Variants in VSTM4 observed in about 807,000 individuals in gnomAD.
VSTM4 encodes the protein V-set and transmembrane domain-containing protein 4.
In VSTM4, 20 loss-of-function variants were observed where a neutral mutation model predicts 36.4. The ratio of observed to expected loss-of-function variants is 0.55; its 90% CI spans 0.39 to 0.80. The LOEUF (loss-of-function observed/expected upper bound fraction) is 0.80. Among genes scored for constraint, VSTM4 ranks in the 30% least tolerant of loss-of-function variants. The pLI is 0.00. For synonymous variants in VSTM4, 182 were observed against 173.9 expected, an observed-to-expected ratio of 1.05 and a Z score of -0.37; for missense variants, 392 against 404.5, an observed-to-expected ratio of 0.97 and a Z score of 0.26.
intron 4 of VSTM4, among the ~76,000 whole-genome samples, chr10:49,065,427 C>A (rs914657919): frequency 3.3e-5 from 5 of 152,140 alleles, no homozygotes; most frequent in Admixed American, 2.0e-4. Context: ...CCATGTGTAC[C>A]CCCTCCCAAA....
chr10:49,024,246 T>G (rs1374922041), intron 7 of VSTM4, among the ~76,000 whole-genome samples: 1 of 152,196 alleles, frequency 6.6e-6, no homozygotes, highest in East Asian at 1.9e-4. Context: ...TCAAATCCCT[T>G]GTTTCATGGA....
At chr10:49,113,771 G>C (rs1007827969) in intron 1 of VSTM4, among the ~76,000 whole-genome samples, 3 of 152,164 alleles carry the variant, frequency 2.0e-5, no homozygotes, top group African/African-American at 7.2e-5. Context: ...AAATGGGTCT[G>C]CCAGCCCCTC....
intron 2 of VSTM4, 21 bp from the exon 3 acceptor site, chr10:49,086,044 A>T (rs768891326): frequency 6.5e-7 from 1 of 1,527,866 alleles, no homozygotes; most frequent in East Asian, 2.3e-5. Context: ...AAAAAGAAAC[A>T]GCACAGTATG....
At chr10:49,101,804 A>G (rs72785044) in intron 2 of VSTM4, among the ~76,000 whole-genome samples, 22,634 of 152,302 alleles carry the variant, frequency 0.15, 2,047 homozygotes, top group Non-Finnish European at 0.21. Context: ...AGCACTGTTT[A>G]TGTTGGTGAA....
At chr10:49,044,064 A>C (rs1590081517) in intron 7 of VSTM4, among the ~76,000 whole-genome samples, 2 of 152,224 alleles carry the variant, frequency 1.3e-5, no homozygotes, top group Non-Finnish European at 2.9e-5. Flanking sequence ...GCAGTGGCTC[A>C]TGCCTGTAAT....
chr10:49,049,432 G>C (rs1376001344), intron 5 of VSTM4, among the ~76,000 whole-genome samples: 1 of 152,264 alleles, frequency 6.6e-6, no homozygotes, highest in South Asian at 2.1e-4. Context: ...CTACTCATGG[G>C]CTGGAGTTCG....
At chr10:49,072,305 C>A (rs1375439744) in intron 4 of VSTM4, among the ~76,000 whole-genome samples, 6 of 152,132 alleles carry the variant, frequency 3.9e-5, no homozygotes, top group African/African-American at 1.2e-4. Flanking sequence ...CCCTTCTAAA[C>A]CTGCTTGGAT....
In VSTM4 at chr10:49,019,509, G is replaced by C. The variant is rs568790877; in HGVS notation, c.*141C>G. ...AGAGCAGGCTTGTACCTCTTCAAAG[G>C]CACCCAGAATGCTGCTGAAAAGGGG... On this transcript the variant is annotated 3_prime_UTR_variant, in exon 8 of 8. Coordinates refer to ENST00000332853, the MANE Select transcript of VSTM4 (RefSeq NM_001031746.5). 15 of 1,250,562 alleles carry C rather than the reference G, an allele frequency of 1.2e-5. No homozygotes were observed. The Admixed American group carries it at 2.1e-4, about 18-fold the overall frequency. The allele number at this position is 1,250,562 out of a possible 1,614,324, so 77.5% of individuals were successfully genotyped here.
rs890128275 is a variant in VSTM4 at position 49,019,032 on chromosome 10, G to T, written c.*618C>A. On this transcript the variant is annotated 3_prime_UTR_variant, in exon 8 of 8. Coordinates refer to ENST00000332853, the MANE Select transcript of VSTM4 (RefSeq NM_001031746.5). Reference sequence around the variant, plus strand: ...TGCGGCCTCAGGGTCTCATAGGTGGGCACCATGGCATTCAGAGACAGACCT... The same window carrying T: ...TGCGGCCTCAGGGTCTCATAGGTGGTCACCATGGCATTCAGAGACAGACCT... The T allele has an allele frequency of 1.3e-5, 2 of 152,302 alleles. No individual in the cohort carries two copies. The highest frequency in any genetic ancestry group is 2.9e-5 in the Non-Finnish European group (2 of 68,122). The allele number at this position is 152,302 out of a possible 1,614,324, so 9.4% of individuals were successfully genotyped here.
intron 1 of VSTM4, among the ~76,000 whole-genome samples, chr10:49,111,712 T>A (rs891063767): frequency 1.3e-5 from 2 of 152,200 alleles, no homozygotes; most frequent in African/African-American, 2.4e-5. Flanking sequence ...TTAAGCCTCA[T>A]GCAGCAGGCA....
chr10:49,042,565 GC>G, intron 7 of VSTM4, among the ~76,000 whole-genome samples: 1 of 152,300 alleles, frequency 6.6e-6, no homozygotes, highest in Middle Eastern at 3.4e-3. Context: ...TTTGGATTAA[GC>G]CCTGACTGCA....
rs936876292 is a variant in VSTM4, at chr10:49,090,906, C to T, written c.458-4883G>A. On this transcript the variant is annotated intron_variant, in intron 2 of 7. Coordinates refer to ENST00000332853, the MANE Select transcript of VSTM4 (RefSeq NM_001031746.5). The stretch of plus-strand genomic sequence containing the variant: ...CTCCTGCACACACTCCTCTACCATC[C>T]GTCCTGTGTCCAGGGAGACCATGAC... Among the ~76,000 whole-genome samples, 7 of 152,102 alleles carry T rather than the reference C, an allele frequency of 4.6e-5. No individual in the cohort carries two copies. The South Asian group carries it at 6.2e-4, about 14-fold the overall frequency.
chr10:49,032,294 T>A (rs2254151), intron 7 of VSTM4, among the ~76,000 whole-genome samples: 2 of 152,190 alleles, frequency 1.3e-5, no homozygotes, highest in South Asian at 4.1e-4. Context: ...GTGAGCAGCA[T>A]GGCTGGTGTA....
At chr10:49,054,017 A>G (rs1050504964) in intron 5 of VSTM4, among the ~76,000 whole-genome samples, 5 of 152,232 alleles carry the variant, frequency 3.3e-5, no homozygotes, top group African/African-American at 1.2e-4. Context: ...TGTCCATCCT[A>G]TGCAAGGCAC....
At chr10:49,114,583 A>ATT (rs1244626473) in intron 1 of VSTM4, among the ~76,000 whole-genome samples, 1 of 106,564 alleles carries the variant, frequency 9.4e-6, no homozygotes, top group African/African-American at 5.0e-5. Flanking sequence ...AACCAAGTTC[A>ATT]TGTTTTTTTT....
intron 7 of VSTM4, among the ~76,000 whole-genome samples, chr10:49,045,151 CTCAAGATTGTCTTGG>C (rs1843587864): frequency 6.6e-6 from 1 of 152,088 alleles, no homozygotes; most frequent in South Asian, 2.1e-4. Flanking sequence ...GCACTCCGCC[CTCAAGATTGTCTTGG>C]CATACACACC....
chr10:49,112,343 G>T (rs1844909726), intron 1 of VSTM4, among the ~76,000 whole-genome samples: 1 of 152,232 alleles, frequency 6.6e-6, no homozygotes. Context: ...TTCTCTGGTA[G>T]TTGCAGAGAA....
intron 1 of VSTM4, among the ~76,000 whole-genome samples, chr10:49,114,238 A>G (rs4838365): frequency 0.49 from 74,499 of 152,056 alleles, 19,631 homozygotes; most frequent in African/African-American, 0.7. Context: ...GGGGGACAGT[A>G]GATGGATTTC....
chr10:49,108,305 T>C (rs1331899745), intron 1 of VSTM4, among the ~76,000 whole-genome samples: 1 of 152,264 alleles, frequency 6.6e-6, no homozygotes, highest in Non-Finnish European at 1.5e-5. Flanking sequence ...AAATTTCATG[T>C]AAAAGATTTA....
Sources: gnomAD v4.1 joint callset for allele counts (sites outside exome capture counted in the v4.1 genomes callset) on GRCh38, gnomAD v4.1.1 for gene constraint, MANE v1.5 for transcripts, NCBI Gene and HGNC (gene_info 2026-07-23, HGNC 2026-07-21) for gene names.